ZC3H12B: variants seen among roughly 807,000 people sequenced by gnomAD.
ZC3H12B encodes probable ribonuclease ZC3H12B.
A neutral mutation model predicts 43.9 loss-of-function variants in ZC3H12B; 7 were observed. The observed-to-expected ratio is 0.16, with a 90% CI of 0.09 to 0.30. ZC3H12B has a LOEUF of 0.30. Among genes scored for constraint, ZC3H12B ranks in the 10% least tolerant of loss-of-function variants. The pLI is 1.00. For synonymous variants in ZC3H12B, 222 were observed against 241.7 expected, an observed-to-expected ratio of 0.92 and a Z score of 0.76; for missense variants, 475 against 670.2, an observed-to-expected ratio of 0.71 and a Z score of 3.22.
intron 3 of ZC3H12B, among the ~76,000 whole-genome samples, chrX:65,454,819 CCAATATCCGCTGTTCTG>C (rs1409958129): frequency 8.9e-6 from 1 of 111,769 alleles, no homozygotes; most frequent in Non-Finnish European, 1.9e-5. Context: ...TTGCTGTTCA[CCAATATCCGCTGTTCTG>C]CAGCCTCCAC....
the ZC3H12B span, among the ~76,000 whole-genome samples, chrX:65,099,139 C>T: frequency 1.8e-5 from 2 of 111,884 alleles, no homozygotes; most frequent in African/African-American, 3.2e-5. Context: ...GGCAAAGCGA[C>T]TGTGGCCAGA....
chrX:65,290,769 C>A, the ZC3H12B span, among the ~76,000 whole-genome samples: 8 of 111,157 alleles, frequency 7.2e-5, no homozygotes, highest in Non-Finnish European at 1.5e-4. Context: ...ACAAATGCCA[C>A]ATATTCTCAC....
the ZC3H12B span, among the ~76,000 whole-genome samples, chrX:65,274,985 C>G: frequency 2.7e-5 from 3 of 112,118 alleles, no homozygotes; most frequent in Admixed American, 9.4e-5. Flanking sequence ...CACCCACAGG[C>G]TGGCCAGCAG....
At chrX:65,199,467 G>A in the ZC3H12B span, among the ~76,000 whole-genome samples, 83 of 110,495 alleles carry the variant, frequency 7.5e-4, no homozygotes, top group Non-Finnish European at 1.2e-3. Context: ...AAGTTCAGGG[G>A]TACATGAGCA....
the ZC3H12B span, among the ~76,000 whole-genome samples, chrX:65,080,658 A>G: frequency 9.0e-6 from 1 of 111,723 alleles, no homozygotes; most frequent in Non-Finnish European, 1.9e-5. Flanking sequence ...TGGAGAAACA[A>G]AGGCTTTGCC....
chrX:65,132,492 G>T, the ZC3H12B span, among the ~76,000 whole-genome samples: 1 of 110,092 alleles, frequency 9.1e-6, no homozygotes, highest in Non-Finnish European at 1.9e-5. Flanking sequence ...CATACTTGTG[G>T]ATTGAGGTGG....
At chrX:65,224,347 T>C in the ZC3H12B span, among the ~76,000 whole-genome samples, 2 of 112,505 alleles carry the variant, frequency 1.8e-5, no homozygotes, top group Admixed American at 1.9e-4. Flanking sequence ...CAGTCTACAC[T>C]GCTTGGGTGA....
At chrX:65,358,470 C>G in the ZC3H12B span, among the ~76,000 whole-genome samples, 3 of 111,389 alleles carry the variant, frequency 2.7e-5, no homozygotes, top group African/African-American at 9.8e-5. Context: ...GAACGGAAAT[C>G]ATAAAAAACA....
At chrX:65,467,042 G>T (rs186186702) in intron 3 of ZC3H12B, among the ~76,000 whole-genome samples, 56 of 94,813 alleles carry the variant, frequency 5.9e-4, no homozygotes, top group African/African-American at 1.9e-3. Flanking sequence ...AAATTTTAGT[G>T]CACCCATCAC....
the ZC3H12B span, among the ~76,000 whole-genome samples, chrX:65,354,512 C>G: frequency 8.1e-5 from 9 of 111,795 alleles, no homozygotes; most frequent in African/African-American, 2.9e-4. Flanking sequence ...GAAAAACCAG[C>G]GCAAAAAGTC....
chrX:65,129,138 T>C, the ZC3H12B span, among the ~76,000 whole-genome samples: 5 of 110,275 alleles, frequency 4.5e-5, no homozygotes, highest in African/African-American at 1.7e-4. Flanking sequence ...TCTTGCCTTC[T>C]TGTGTGGTAC....
At chrX:65,393,045 G>A (rs930309854) in intron 2 of ZC3H12B, among the ~76,000 whole-genome samples, 3 of 111,068 alleles carry the variant, frequency 2.7e-5, no homozygotes, top group Admixed American at 9.5e-5. Context: ...ATGCTTGAAG[G>A]CAGCATGCTC....
At chrX:65,313,262 C>A in the ZC3H12B span, among the ~76,000 whole-genome samples, 1 of 112,154 alleles carries the variant, frequency 8.9e-6, no homozygotes, top group Non-Finnish European at 1.9e-5. Flanking sequence ...TTTTCTCTTA[C>A]TACATTACAC....
the ZC3H12B span, among the ~76,000 whole-genome samples, chrX:65,156,441 C>T: frequency 0.083 from 9,256 of 111,420 alleles, 1,026 homozygotes; most frequent in African/African-American, 0.29. Flanking sequence ...AGTGCAATGG[C>T]GCAATCTCGT....
the ZC3H12B span, among the ~76,000 whole-genome samples, chrX:65,349,237 G>A: frequency 2.7e-5 from 3 of 111,909 alleles, no homozygotes; most frequent in Non-Finnish European, 3.8e-5. Context: ...CAACTACATG[G>A]AAACTGAACA....
the ZC3H12B span, among the ~76,000 whole-genome samples, chrX:65,081,983 A>T: frequency 2.7e-5 from 3 of 112,181 alleles, no homozygotes; most frequent in Admixed American, 2.8e-4. Flanking sequence ...TGGAAACTAC[A>T]CAAATAACAT....
At chrX:65,134,726 C>T in the ZC3H12B span, among the ~76,000 whole-genome samples, 4 of 111,374 alleles carry the variant, frequency 3.6e-5, no homozygotes, top group South Asian at 1.1e-3. Flanking sequence ...CACGTGCGTC[C>T]GTGTGAAGAG....
At chrX:65,490,379 GAAAAAAAA>G (rs1032989325) in intron 1 of ZC3H12B, among the ~76,000 whole-genome samples, 1 of 54,996 alleles carries the variant, frequency 1.8e-5, no homozygotes, top group Non-Finnish European at 3.4e-5. Context: ...ACTGTTTCAG[GAAAAAAAA>G]AAAAAAAAAA....
At chrX:65,245,870 C>A in the ZC3H12B span, among the ~76,000 whole-genome samples, 73 of 109,172 alleles carry the variant, frequency 6.7e-4, no homozygotes, top group African/African-American at 2.3e-3. Flanking sequence ...GACATGTATA[C>A]ATATGTAACA....
Sources: allele counts gnomAD v4.1 joint callset (sites outside exome capture counted in the v4.1 genomes callset), GRCh38; gene constraint gnomAD v4.1.1; transcripts MANE v1.5; gene names NCBI Gene and HGNC (gene_info 2026-07-23, HGNC 2026-07-21).